The following TRMT11 variants were observed in gnomAD, a reference collection of about 807,000 sequenced individuals.
TRMT11 encodes tRNA (guanine(10)-N(2))-methyltransferase TRMT11.
Under a neutral mutation model 62.8 loss-of-function variants are expected in TRMT11, and 53 were observed. The ratio of observed to expected loss-of-function variants is 0.84; its 90% CI spans 0.68 to 1.06. The LOEUF (loss-of-function observed/expected upper bound fraction) is 1.06, where lower values mean the gene tolerates loss of function less well. Among genes scored for constraint, TRMT11 ranks in the 50% least tolerant of loss-of-function variants. The pLI, the probability that TRMT11 is intolerant of heterozygous loss-of-function variation, is 0.00. For synonymous variants in TRMT11, 188 were observed against 190.3 expected (o/e 0.99, Z 0.10); for missense variants, 556 against 553.4 (o/e 1.00, Z -0.05).
At chr6:126,113,193 GA>G (rs1562325829) in intron 18 of TRMT11, among the ~76,000 whole-genome samples, 1 of 152,046 alleles carries the variant, frequency 6.6e-6, no homozygotes, top group African/African-American at 2.4e-5. Context: ...ATATTGACCT[GA>G]AGCTGTAGTA....
At chr6:126,106,001 G>A (rs1042901657) in intron 17 of TRMT11, among the ~76,000 whole-genome samples, 3 of 152,174 alleles carry the variant, frequency 2.0e-5, no homozygotes, top group African/African-American at 7.2e-5. Flanking sequence ...CCAGACCCAC[G>A]GAAGGTGCTC....
chr6:126,110,400 C>T (rs1172099886), intron 17 of TRMT11, among the ~76,000 whole-genome samples: 2 of 152,034 alleles, frequency 1.3e-5, no homozygotes, highest in African/African-American at 4.8e-5. Context: ...TCAGAATGCT[C>T]AGTGAAATAT....
At position 126,032,925 on chromosome 6, in the gene TRMT11, C is replaced by A. The variant is rs146345280; in HGVS notation, c.1261-5780C>A. Among the ~76,000 whole-genome samples, 898 of 152,268 alleles carry A rather than the reference C, an allele frequency of 5.9e-3. 5 individuals carry two copies. Among genetic ancestry groups the A allele is most frequent in the African/African-American group, 0.02 (814 of 41,558 alleles). ...GATAGTTATGGTAGCCAAAAGTTTT[C>A]TGTTTGAAAATACATTGAATTTTAT... is the stretch of plus-strand genomic sequence containing the variant. On this transcript the variant is annotated intron_variant, in intron 12 of 12. Coordinates refer to ENST00000334379, the MANE Select transcript of TRMT11 (RefSeq NM_001031712.3).
chr6:126,259,415 T>G, the TRMT11 span, among the ~76,000 whole-genome samples: 1 of 152,234 alleles, frequency 6.6e-6, no homozygotes, highest in African/African-American at 2.4e-5. Flanking sequence ...CAGGCTGGTC[T>G]TGAACTCCTG....
chr6:126,211,365 A>T, the TRMT11 span, among the ~76,000 whole-genome samples: 2 of 152,208 alleles, frequency 1.3e-5, no homozygotes, highest in African/African-American at 4.8e-5. Context: ...CTTACATTAG[A>T]TTAGGTCAAT....
chr6:125,999,680 A>T, intron 7 of TRMT11, 67 bp downstream of exon 7: 1 of 1,410,010 alleles, frequency 7.1e-7, no homozygotes, highest in Non-Finnish European at 9.6e-7. Context: ...AGGTCATGGT[A>T]ATATTTTTGC....
intron 21 of TRMT11, among the ~76,000 whole-genome samples, chr6:126,141,302 A>G (rs1031430969): frequency 1.3e-5 from 2 of 152,176 alleles, no homozygotes; most frequent in African/African-American, 4.8e-5. Flanking sequence ...TGAACAAATA[A>G]TTAAGTGATT....
downstream of TRMT11, among the ~76,000 whole-genome samples, chr6:126,205,742 T>C (rs1778782945): frequency 6.6e-6 from 1 of 152,128 alleles, no homozygotes; most frequent in Admixed American, 6.5e-5. Flanking sequence ...CTTATCTCTC[T>C]TTCTGGCAAG....
At chr6:126,064,608 C>T (rs1776633935) in intron 17 of TRMT11, among the ~76,000 whole-genome samples, 1 of 151,450 alleles carries the variant, frequency 6.6e-6, no homozygotes, top group Non-Finnish European at 1.5e-5. Context: ...AATTTTGAAA[C>T]TGTATTTAAT....
chr6:126,055,100 G>A (rs182784240), intron 17 of TRMT11, among the ~76,000 whole-genome samples: 14 of 152,244 alleles, frequency 9.2e-5, no homozygotes, highest in Admixed American at 2.6e-4. Flanking sequence ...GAGAAGCTGG[G>A]ACTACAGGCA....
chr6:126,248,519 C>A, the TRMT11 span, among the ~76,000 whole-genome samples: 1 of 152,014 alleles, frequency 6.6e-6, no homozygotes, highest in Non-Finnish European at 1.5e-5. Flanking sequence ...AAAACAAAGT[C>A]ACCTTTCAGT....
downstream of TRMT11, among the ~76,000 whole-genome samples, chr6:126,205,898 T>TAC (rs59880424): frequency 0.013 from 1,897 of 143,042 alleles, 13 homozygotes; most frequent in Middle Eastern, 0.018. Context: ...TGTGAGAGGG[T>TAC]ACACACACAC....
chr6:126,164,028 T>C lies in TRMT11; in HGVS notation c.*1824-10797T>C, dbSNP rs189230902. ...TGTCTTCTGCTAGCTTTTGAATTTG[T>C]TTGCTCTTGCTTCTCTAGTTATTTT... On this transcript the variant is annotated intron_variant and NMD_transcript_variant, in intron 21 of 22. Transcript: ENST00000648977. 1.4e-4 allele frequency among the ~76,000 whole-genome samples: 22 copies of C among 152,350 alleles called. No individual in the cohort carries two copies. In the East Asian group the frequency reaches 3.5e-3, roughly 24 times the overall value.
chr6:126,213,434 G>C, the TRMT11 span, among the ~76,000 whole-genome samples: 1 of 151,384 alleles, frequency 6.6e-6, no homozygotes, highest in African/African-American at 2.4e-5. Context: ...TTTGGTGTTT[G>C]CTTCAATTTC....
At chr6:126,117,595 G>A (rs929027534) in intron 21 of TRMT11, among the ~76,000 whole-genome samples, 2 of 151,894 alleles carry the variant, frequency 1.3e-5, no homozygotes, top group African/African-American at 4.8e-5. Context: ...CATTTTTTGT[G>A]ATCTAGAGCT....
At chr6:126,191,096 A>G (rs1778593631) in intron 1 of TRMT11, among the ~76,000 whole-genome samples, 1 of 152,032 alleles carries the variant, frequency 6.6e-6, no homozygotes, top group African/African-American at 2.4e-5. Context: ...CCTCACCAGC[A>G]TTTGTTATTT....
chr6:126,151,944 T>TTTC (rs368793532), intron 21 of TRMT11, among the ~76,000 whole-genome samples: 1,526 of 10,548 alleles, frequency 0.14, 99 homozygotes, highest in African/African-American at 0.24. Context: ...TCTTTCTTTC[T>TTTC]TTTCTTTCTT....
intron 12 of TRMT11, among the ~76,000 whole-genome samples, chr6:126,025,732 G>A (rs1490307046): frequency 6.6e-6 from 1 of 152,166 alleles, no homozygotes; most frequent in South Asian, 2.1e-4. Flanking sequence ...GGCTTGTTCA[G>A]CATTGTTGAT....
downstream of TRMT11, among the ~76,000 whole-genome samples, chr6:126,205,191 C>G (rs908871860): frequency 2.6e-5 from 4 of 152,102 alleles, no homozygotes; most frequent in African/African-American, 9.7e-5. Context: ...TATTTTCTTG[C>G]TCTCTAAAGA....
Sources: gnomAD v4.1 joint callset for allele counts (sites outside exome capture counted in the v4.1 genomes callset) on GRCh38, gnomAD v4.1.1 for gene constraint, MANE v1.5 for transcripts, NCBI Gene and HGNC (gene_info 2026-07-23, HGNC 2026-07-21) for gene names.